AMPD3: variants seen among roughly 807,000 people sequenced by gnomAD.
The protein encoded by AMPD3 is adenosine monophosphate deaminase 3.
AMPD3 carries 57 observed loss-of-function variants against 82.3 expected under a neutral mutation model. That is an observed-to-expected ratio of 0.69 (90% confidence interval 0.56 to 0.86). AMPD3 has a LOEUF of 0.86. Ranked by LOEUF, AMPD3 falls within the 40% of genes least tolerant of loss-of-function variation. The probability of loss-of-function intolerance (pLI) is 0.00; values close to 1 mark genes in which losing one functional copy is unlikely to be tolerated. For synonymous variants in AMPD3, 381 were observed against 394.7 expected, an observed-to-expected ratio of 0.97 and a Z score of 0.41; for missense variants, 870 against 1,003.8, an observed-to-expected ratio of 0.87 and a Z score of 1.80.
At chr11:10,468,216 G>A (rs1848478152) in intron 2 of AMPD3, among the ~76,000 whole-genome samples, 1 of 152,188 alleles carries the variant, frequency 6.6e-6, no homozygotes, top group Non-Finnish European at 1.5e-5. Context: ...AAAACACACA[G>A]ACTGGCAAAT....
intron 4 of AMPD3, among the ~76,000 whole-genome samples, chr11:10,483,575 A>G (rs1038015730): frequency 6.6e-6 from 1 of 152,246 alleles, no homozygotes; most frequent in African/African-American, 2.4e-5. Context: ...GGTTCTGGGC[A>G]TGAGTATGGG....
chr11:10,492,584 G>A lies in AMPD3; in HGVS notation c.940-765G>A, dbSNP rs565974887. Among the ~76,000 whole-genome samples the A allele has an allele frequency of 3.9e-5, 6 of 152,304 alleles. No individual in the cohort carries two copies. The South Asian group carries it at 1.0e-3, about 26-fold the overall frequency. ...GAGAACCTGTCGTACCTGTTAATTT[G>A]TTCATTCATTCATCCATTGGTTCGA... On this transcript the variant is annotated intron_variant, in intron 6 of 14. Coordinates refer to ENST00000396553, the MANE Select transcript of AMPD3 (RefSeq NM_001025389.2).
At chr11:10,499,748 G>A (rs1046639835) in intron 10 of AMPD3, 2 of 985,390 alleles carry the variant, frequency 2.0e-6, no homozygotes, top group Non-Finnish European at 2.4e-6. Flanking sequence ...GGCTGGCCTC[G>A]GCATAGCAGA....
intron 6 of AMPD3, among the ~76,000 whole-genome samples, chr11:10,491,924 A>G (rs1289214566): frequency 6.6e-6 from 1 of 152,228 alleles, no homozygotes; most frequent in African/African-American, 2.4e-5. Flanking sequence ...GGGAATTGGT[A>G]TAAGGAAAAT....
chr11:10,496,727 G>C (rs765396153), intron 9 of AMPD3, 85 bp from the exon 10 acceptor site: 1 of 1,605,410 alleles, frequency 6.2e-7, no homozygotes, highest in Non-Finnish European at 8.5e-7. Flanking sequence ...GACACAGGGT[G>C]CCTGAGGAAG....
At position 10,477,856 on chromosome 11, in the gene AMPD3, C is replaced by T. The variant is rs1013838689; in HGVS notation, c.222-670C>T. The T allele has an allele frequency of 7.1e-6, 7 of 984,312 alleles. No homozygotes were observed. The Admixed American group carries it at 1.8e-4, about 26-fold the overall frequency. The allele number at this position is 984,312 out of a possible 1,614,324, so 61.0% of individuals were successfully genotyped here. On this transcript the variant is annotated intron_variant, in intron 2 of 14. Transcript: ENST00000396553. ...GTCTGTGAGAAGTAGGCTGATCTTG[C>T]AGATCTCCTTGGCACCCAGTAGGTC...
At chr11:10,499,570 T>C in intron 10 of AMPD3, 1 of 804,578 alleles carries the variant, frequency 1.2e-6, no homozygotes, top group South Asian at 5.7e-5. Context: ...TTTGCTCAAT[T>C]GTAAAATGGG....
At chr11:10,480,750 A>G (rs1848880350) in intron 3 of AMPD3, among the ~76,000 whole-genome samples, 1 of 152,152 alleles carries the variant, frequency 6.6e-6, no homozygotes, top group African/African-American at 2.4e-5. Flanking sequence ...GCCTGTCTGT[A>G]TGTTTAAAAT....
chr11:10,479,000 A>G (rs371646376), intron 3 of AMPD3, among the ~76,000 whole-genome samples: 4 of 151,582 alleles, frequency 2.6e-5, no homozygotes, highest in East Asian at 3.9e-4. Context: ...CATGTTCTCT[A>G]AGTCCAGAAA....
chr11:10,451,008 T>C, upstream of AMPD3: 1 of 1,579,172 alleles, frequency 6.3e-7, no homozygotes, highest in Non-Finnish European at 8.5e-7. Context: ...CGGCCGTCCC[T>C]TTCGGCCGGC....
At chr11:10,474,123 C>G (rs1006932484) in intron 2 of AMPD3, among the ~76,000 whole-genome samples, 1 of 152,202 alleles carries the variant, frequency 6.6e-6, no homozygotes, top group Non-Finnish European at 1.5e-5. Flanking sequence ...ACCAACCACA[C>G]TGTATGATAA....
At chr11:10,477,227 G>A in intron 2 of AMPD3, 2 of 503,334 alleles carry the variant, frequency 4.0e-6, no homozygotes, top group Non-Finnish European at 5.1e-6. Flanking sequence ...CTGGAGAGGA[G>A]GAGGGCTCTA....
At chr11:10,504,169 C>G in intron 13 of AMPD3, 6 of 960,452 alleles carry the variant, frequency 6.2e-6, no homozygotes, top group Non-Finnish European at 7.4e-6. Context: ...TATCATCTAT[C>G]TATCTATTGC....
intron 6 of AMPD3, among the ~76,000 whole-genome samples, chr11:10,492,799 C>G (rs1370209204): frequency 6.6e-6 from 1 of 151,938 alleles, no homozygotes. Flanking sequence ...TTCAGTTGTG[C>G]TTGGAGGAAC....
chr11:10,492,729 C>T (rs557315684), intron 6 of AMPD3, among the ~76,000 whole-genome samples: 7 of 152,218 alleles, frequency 4.6e-5, no homozygotes, highest in African/African-American at 1.2e-4. Context: ...GTGATCGGGA[C>T]GGTCTGCACA....
chr11:10,487,113 C>T, intron 5 of AMPD3, 122 bp from the exon 6 acceptor site: 1 of 1,575,118 alleles, frequency 6.3e-7, no homozygotes, highest in Non-Finnish European at 8.7e-7. Context: ...AGAACCTCCT[C>T]ATTCCGCCCT....
chr11:10,503,283 T>C (rs1369002409), intron 13 of AMPD3, among the ~76,000 whole-genome samples: 1 of 152,228 alleles, frequency 6.6e-6, no homozygotes, highest in African/African-American at 2.4e-5. Context: ...TCTAACATAG[T>C]GTCTGCATAT....
At chr11:10,481,535 CT>C (rs1432050171) in intron 3 of AMPD3, 1 of 981,866 alleles carries the variant, frequency 1.0e-6, no homozygotes, top group Non-Finnish European at 1.2e-6. Context: ...TCCAAGACCA[CT>C]CCAGGTTGGA....
At chr11:10,452,361 CT>C (rs369835954), upstream of AMPD3, among the ~76,000 whole-genome samples, 474 of 152,200 alleles carry the variant, frequency 3.1e-3, 4 homozygotes, top group African/African-American at 0.011. Flanking sequence ...ATAATAATCT[CT>C]TAGTTCTTCT....
Sources: gnomAD v4.1 joint callset for allele counts (sites outside exome capture counted in the v4.1 genomes callset) on GRCh38, gnomAD v4.1.1 for gene constraint, MANE v1.5 for transcripts, NCBI Gene and HGNC (gene_info 2026-07-23, HGNC 2026-07-21) for gene names.